PRKG1: variants seen among roughly 807,000 people sequenced by gnomAD.
PRKG1 encodes the protein cGMP-dependent protein kinase 1.
Under a neutral mutation model 88.1 loss-of-function variants are expected in PRKG1, and 35 were observed. That is an observed-to-expected ratio of 0.40 (90% CI 0.30 to 0.53). PRKG1 has a LOEUF of 0.53. PRKG1 is among the 20% of genes least tolerant of loss of function. PRKG1 has a pLI of 0.59. For synonymous variants in PRKG1, 303 were observed against 292.5 expected (o/e 1.04, Z -0.37); for missense variants, 540 against 839.8 (o/e 0.64, Z 4.41).
intron 3 of PRKG1, among the ~76,000 whole-genome samples, chr10:51,663,930 C>T (rs1326169624): frequency 6.6e-6 from 1 of 151,348 alleles, no homozygotes; most frequent in Non-Finnish European, 1.5e-5. Context: ...ATTTATGATT[C>T]TTTGAATAAA....
intron 3 of PRKG1, among the ~76,000 whole-genome samples, chr10:51,628,972 A>AAAC (rs772653843): frequency 1.8e-4 from 15 of 84,084 alleles, no homozygotes; most frequent in Non-Finnish European, 3.8e-4. Flanking sequence ...TCTCAAAAAA[A>AAAC]AAAAAAACAA....
intron 9 of PRKG1, among the ~76,000 whole-genome samples, chr10:52,227,226 CCTGA>C (rs1840409989): frequency 6.6e-6 from 1 of 152,128 alleles, no homozygotes; most frequent in Non-Finnish European, 1.5e-5. Flanking sequence ...ATGTTGCTTA[CCTGA>C]CTAACAGTGG....
intron 3 of PRKG1, among the ~76,000 whole-genome samples, chr10:51,527,443 A>C (rs1018417900): frequency 3.9e-5 from 6 of 152,190 alleles, no homozygotes; most frequent in African/African-American, 1.4e-4. Flanking sequence ...AAACAAAAAC[A>C]GTGGAAATGA....
chr10:52,119,961 G>C (rs1212017432), intron 7 of PRKG1, among the ~76,000 whole-genome samples: 1 of 151,250 alleles, frequency 6.6e-6, no homozygotes, highest in Non-Finnish European at 1.5e-5. Flanking sequence ...GACAGACAGA[G>C]ACAGAGAGAG....
chr10:51,690,414 G>A (rs1363342687), intron 3 of PRKG1, among the ~76,000 whole-genome samples: 1 of 152,122 alleles, frequency 6.6e-6, no homozygotes, highest in African/African-American at 2.4e-5. Context: ...GGTTTTAACA[G>A]GGAAATAACA....
At chr10:51,036,186 T>C (rs1356493988) in intron 1 of PRKG1, among the ~76,000 whole-genome samples, 1 of 152,182 alleles carries the variant, frequency 6.6e-6, no homozygotes, top group African/African-American at 2.4e-5. Flanking sequence ...ATTAGGTTTT[T>C]CTGTTTTTTC....
intron 2 of PRKG1, among the ~76,000 whole-genome samples, chr10:51,304,793 T>C (rs1156899962): frequency 3.9e-5 from 6 of 152,110 alleles, no homozygotes; most frequent in Non-Finnish European, 5.9e-5. Flanking sequence ...TTCATCCATG[T>C]CCCTACAAAG....
At chr10:51,865,018 T>C (rs1375926073) in intron 4 of PRKG1, among the ~76,000 whole-genome samples, 1 of 152,130 alleles carries the variant, frequency 6.6e-6, no homozygotes, top group African/African-American at 2.4e-5. Flanking sequence ...TGAATTTTGT[T>C]AAAGGCAGAA....
At chr10:52,185,450 CA>C (rs1839172621) in intron 9 of PRKG1, among the ~76,000 whole-genome samples, 2 of 152,106 alleles carry the variant, frequency 1.3e-5, no homozygotes, top group Non-Finnish European at 2.9e-5. Flanking sequence ...TGGCAGCTGT[CA>C]TGGGTTAGGA....
At chr10:51,926,555 C>A (rs746833243) in intron 5 of PRKG1, among the ~76,000 whole-genome samples, 16 of 152,006 alleles carry the variant, frequency 1.1e-4, no homozygotes, top group Non-Finnish European at 1.6e-4. Context: ...GTGGCTTGCC[C>A]CACCTCTTTG....
intron 3 of PRKG1, among the ~76,000 whole-genome samples, chr10:51,746,258 G>A (rs1278939286): frequency 6.6e-6 from 1 of 151,482 alleles, no homozygotes; most frequent in Non-Finnish European, 1.5e-5. Flanking sequence ...CAAGCAACCT[G>A]TGTAGATGTT....
intron 2 of PRKG1, among the ~76,000 whole-genome samples, chr10:51,293,030 C>G (rs970350062): frequency 9.9e-5 from 15 of 152,036 alleles, no homozygotes; most frequent in Non-Finnish European, 8.8e-5. Flanking sequence ...TACATATTTG[C>G]TCTTACTTCT....
chr10:51,576,431 T>C (rs1837889175), intron 3 of PRKG1, among the ~76,000 whole-genome samples: 2 of 152,014 alleles, frequency 1.3e-5, no homozygotes, highest in Admixed American at 1.3e-4. Context: ...TATTATATTC[T>C]ATATCTCAAA....
chr10:52,129,620 A>G (rs995812026), intron 7 of PRKG1, among the ~76,000 whole-genome samples: 1 of 152,212 alleles, frequency 6.6e-6, no homozygotes, highest in African/African-American at 2.4e-5. Context: ...TCATGGCAAC[A>G]TGAGTTTGCC....
chr10:51,459,651 C>G (rs368343080), intron 2 of PRKG1, among the ~76,000 whole-genome samples: 1 of 152,088 alleles, frequency 6.6e-6, no homozygotes, highest in Non-Finnish European at 1.5e-5. Context: ...AATCCATGCA[C>G]AGAGAGTTAG....
rs1049378283 is a variant in PRKG1, at chr10:52,233,850, C to A, written c.1077-17720C>A. ...GCCTGCCTGCCACTGTAGGCTCCAC[C>A]TCTGGGGGCAGGGCACAGACAAACA... is the stretch of plus-strand genomic sequence containing the variant. On this transcript the variant is annotated intron_variant, in intron 9 of 17. Coordinates refer to ENST00000373980, the MANE Select transcript of PRKG1 (RefSeq NM_006258.4). Among the ~76,000 whole-genome samples, 103 of 152,108 alleles carry A rather than the reference C, an allele frequency of 6.8e-4. 1 individual carries two copies. The highest frequency in any genetic ancestry group is 1.3e-3 in the Non-Finnish European group (88 of 68,008).
intron 9 of PRKG1, among the ~76,000 whole-genome samples, chr10:52,244,964 A>G (rs1162905180): frequency 6.9e-6 from 1 of 145,500 alleles, no homozygotes; most frequent in Non-Finnish European, 1.5e-5. Context: ...ATATTTAAAA[A>G]TATTAAAAAT....
intron 10 of PRKG1, among the ~76,000 whole-genome samples, chr10:52,256,447 G>A (rs745625687): frequency 7.2e-6 from 1 of 139,052 alleles, no homozygotes; most frequent in East Asian, 2.1e-4. Flanking sequence ...TACCCATTGT[G>A]TATGCTTAGT....
At chr10:51,722,718 C>T (rs12218672) in intron 3 of PRKG1, among the ~76,000 whole-genome samples, 10,439 of 152,092 alleles carry the variant, frequency 0.069, 391 homozygotes, top group East Asian at 0.12. Context: ...ACAAGTAGAG[C>T]AGTAAGAAAG....
Sources: gnomAD v4.1 joint callset for allele counts (sites outside exome capture counted in the v4.1 genomes callset) on GRCh38, gnomAD v4.1.1 for gene constraint, MANE v1.5 for transcripts, NCBI Gene and HGNC (gene_info 2026-07-23, HGNC 2026-07-21) for gene names.